VPS35L: variants seen among roughly 807,000 people sequenced by gnomAD.
The protein encoded by VPS35L is VPS35 endosomal protein-sorting factor-like.
In VPS35L, 83 loss-of-function variants were observed where a neutral mutation model predicts 133.0. The ratio of observed to expected loss-of-function variants is 0.62; its 90% confidence interval spans 0.52 to 0.75. VPS35L has a LOEUF of 0.75. Ranked by LOEUF, VPS35L falls within the 30% of genes least tolerant of loss-of-function variation. VPS35L has a pLI of 0.00. For synonymous variants in VPS35L, 423 were observed against 449.9 expected (o/e 0.94, Z 0.76); for missense variants, 1,083 against 1,206.8 (o/e 0.90, Z 1.52).
intron 1 of VPS35L, 90 bp downstream of exon 1, chr16:19,555,836 T>C: frequency 6.7e-7 from 1 of 1,484,156 alleles, no homozygotes; most frequent in Non-Finnish European, 9.0e-7. Context: ...AATTCCTCTC[T>C]GTCGGGTTCT....
chr16:19,565,154 G>A (rs1184773610), intron 2 of VPS35L, among the ~76,000 whole-genome samples: 1 of 151,116 alleles, frequency 6.6e-6, no homozygotes, highest in Non-Finnish European at 1.5e-5. Flanking sequence ...CTGGGTTTAA[G>A]CGATTCTCCT....
At chr16:19,638,171 G>A (rs1397387307) in intron 20 of VPS35L, among the ~76,000 whole-genome samples, 1 of 152,200 alleles carries the variant, frequency 6.6e-6, no homozygotes, top group East Asian at 1.9e-4. Context: ...GTTATTCCCT[G>A]TATAGTAACA....
intron 18 of VPS35L, among the ~76,000 whole-genome samples, chr16:19,632,889 C>A (rs1973501478): frequency 6.6e-6 from 1 of 152,226 alleles, no homozygotes. Context: ...AGCGTTTAGT[C>A]CTGACTAGGT....
chr16:19,663,887 A>G (rs1419287674), intron 26 of VPS35L, among the ~76,000 whole-genome samples: 1 of 151,020 alleles, frequency 6.6e-6, no homozygotes, highest in African/African-American at 2.4e-5. Context: ...TCTGCATCTC[A>G]CCCTTTCCCG....
At chr16:19,598,676 C>T (rs1445533420) in intron 8 of VPS35L, among the ~76,000 whole-genome samples, 1 of 151,766 alleles carries the variant, frequency 6.6e-6, no homozygotes, top group East Asian at 1.9e-4. Context: ...CCCAGCTACT[C>T]AGGAGGCAGA....
At chr16:19,691,299 G>A (rs1002308325) in intron 28 of VPS35L, 54 bp from the exon 29 acceptor site, 2 of 1,455,434 alleles carry the variant, frequency 1.4e-6, no homozygotes, top group Non-Finnish European at 1.9e-6. Context: ...CCTCTCCCTG[G>A]CCAGCATGGC....
chr16:19,556,404 C>T (rs569205853), intron 1 of VPS35L, among the ~76,000 whole-genome samples: 2 of 152,286 alleles, frequency 1.3e-5, no homozygotes, highest in East Asian at 3.9e-4. Flanking sequence ...TAGGAGTCCA[C>T]CATAGGGAGG....
At chr16:19,615,429 C>A (rs1171283568) in intron 12 of VPS35L, among the ~76,000 whole-genome samples, 4 of 152,074 alleles carry the variant, frequency 2.6e-5, no homozygotes, top group African/African-American at 9.7e-5. Flanking sequence ...GCAGGCAGAT[C>A]ATCTGAGGTC....
chr16:19,572,664 T>A (rs949134991), intron 3 of VPS35L, among the ~76,000 whole-genome samples: 2 of 152,184 alleles, frequency 1.3e-5, no homozygotes, highest in Non-Finnish European at 2.9e-5. Flanking sequence ...ATATGTTTAT[T>A]GTCCATTTAT....
chr16:19,635,260 A>T (rs1973588733), intron 19 of VPS35L, among the ~76,000 whole-genome samples: 1 of 152,186 alleles, frequency 6.6e-6, no homozygotes, highest in Non-Finnish European at 1.5e-5. Context: ...AGCTGGAAGG[A>T]TTGTTTGAGC....
intron 27 of VPS35L, among the ~76,000 whole-genome samples, chr16:19,674,184 C>CTTTTTCTTTTTTTTTT (rs1555507022): frequency 4.2e-5 from 3 of 70,906 alleles, no homozygotes; most frequent in African/African-American, 1.9e-4. Context: ...TTTTCTTTTT[C>CTTTTTCTTTTTTTTTT]TTTTTTTTTT....
In VPS35L at chr16:19,616,097, C is replaced by T. The variant is rs1403823171; in HGVS notation, c.1024-17C>T. On this transcript the variant is annotated splice_polypyrimidine_tract_variant and intron_variant, in intron 12 of 30. Coordinates refer to ENST00000417362, the MANE Select transcript of VPS35L (RefSeq NM_020314.7). ...AGTCATTATTTGCAACCAGTTTTTCCATTTGTCTGGCTGCAGGTGGGAATG... is the reference window on the plus strand; with the variant it reads ...AGTCATTATTTGCAACCAGTTTTTCTATTTGTCTGGCTGCAGGTGGGAATG... 1 of 1,604,542 alleles carries T rather than the reference C, an allele frequency of 6.2e-7. No homozygotes were observed.
intron 7 of VPS35L, among the ~76,000 whole-genome samples, chr16:19,586,890 GAA>G (rs546407348): frequency 1.3e-3 from 193 of 152,272 alleles, no homozygotes; most frequent in Non-Finnish European, 1.4e-3. Flanking sequence ...AACGTTTGTT[GAA>G]AAGACTATTG....
chr16:19,593,357 C>G (rs1001176465), intron 8 of VPS35L, among the ~76,000 whole-genome samples: 1 of 152,144 alleles, frequency 6.6e-6, no homozygotes, highest in African/African-American at 2.4e-5. Flanking sequence ...CTAATGGGCT[C>G]CCAACCCAGC....
Position 19,700,549 on chromosome 16 carries a change from C to T in VPS35L, c.*73C>T. 2.4e-6 allele frequency: 3 copies of T among 1,253,492 alleles called. No homozygotes were observed. Among genetic ancestry groups the T allele is most frequent in the Non-Finnish European group, 3.4e-6 (3 of 871,838 alleles). 77.6% of individuals were successfully genotyped at this position (1,253,492 alleles called of 1,614,324 possible). On this transcript the variant is annotated 3_prime_UTR_variant, in exon 31 of 31. Coordinates refer to ENST00000417362, the MANE Select transcript of VPS35L (RefSeq NM_020314.7). ...AAGATCTGCTCTGCTGCCCTGAACT[C>T]TTACGGCAATTTAGGTTTCTCATTT...
intron 8 of VPS35L, among the ~76,000 whole-genome samples, chr16:19,598,456 G>A (rs575131197): frequency 6.6e-6 from 1 of 152,164 alleles, no homozygotes; most frequent in South Asian, 2.1e-4. Context: ...ACTTTTTTCA[G>A]TAAAACTAAT....
intron 23 of VPS35L, among the ~76,000 whole-genome samples, chr16:19,645,251 T>A (rs889180802): frequency 5.3e-5 from 8 of 150,714 alleles, no homozygotes; most frequent in African/African-American, 1.9e-4. Flanking sequence ...GCTCAGGGTC[T>A]CCGGGATGTC....
At chr16:19,567,471 G>GA (rs1971224809) in intron 2 of VPS35L, among the ~76,000 whole-genome samples, 1 of 152,182 alleles carries the variant, frequency 6.6e-6, no homozygotes, top group Non-Finnish European at 1.5e-5. Flanking sequence ...GAGTGTGGGG[G>GA]AGAGATGTTT....
rs1971897537 is a variant in VPS35L, at chr16:19,587,294, CTA to C, written c.640-4494_640-4493del. The C allele has an allele frequency of 8.9e-6, 4 of 449,242 alleles. No individual in the cohort carries two copies. In the Admixed American group the frequency reaches 9.5e-5, roughly 11 times the overall value. 27.8% of individuals were successfully genotyped at this position (449,242 alleles called of 1,614,324 possible). On this transcript the variant is annotated intron_variant, in intron 7 of 30. Transcript: ENST00000417362. Reference sequence around the variant, plus strand: ...GGAACACAGAGCCAAACCATGTTAACTATGTTTTTCTCTACTGAGATCTTGGC... The same window carrying C: ...GGAACACAGAGCCAAACCATGTTAACTGTTTTTCTCTACTGAGATCTTGGC...
Sources: gnomAD v4.1 joint callset for allele counts (sites outside exome capture counted in the v4.1 genomes callset) on GRCh38, gnomAD v4.1.1 for gene constraint, MANE v1.5 for transcripts, NCBI Gene and HGNC (gene_info 2026-07-23, HGNC 2026-07-21) for gene names.